The following RBFOX1 variants were observed in gnomAD, a reference collection of about 807,000 sequenced individuals.
RBFOX1 encodes the protein RNA binding fox-1 homolog 1, also known as RNA binding protein fox-1 homolog 1.
RBFOX1 carries 8 observed loss-of-function variants against 57.7 expected under a neutral mutation model. That is an observed-to-expected ratio of 0.14 (90% CI 0.08 to 0.25). The LOEUF is 0.25. Among genes scored for constraint, RBFOX1 ranks in the 10% least tolerant of loss-of-function variants. The pLI is 1.00. For synonymous variants in RBFOX1, 326 were observed against 222.4 expected, an observed-to-expected ratio of 1.47 and a Z score of -4.15; for missense variants, 611 against 548.5, an observed-to-expected ratio of 1.11 and a Z score of -1.14.
chr16:5,870,985 G>C (rs1247863473), intron 4 of RBFOX1, among the ~76,000 whole-genome samples: 1 of 152,166 alleles, frequency 6.6e-6, no homozygotes, highest in East Asian at 1.9e-4. Context: ...GAATCAGTGA[G>C]AATGAGTGGC....
intron 3 of RBFOX1, among the ~76,000 whole-genome samples, chr16:6,674,135 C>A (rs2098785616): frequency 6.6e-6 from 1 of 152,118 alleles, no homozygotes; most frequent in South Asian, 2.1e-4. Context: ...GGTATTAAGT[C>A]CTTGTTGTGG....
intron 2 of RBFOX1, among the ~76,000 whole-genome samples, chr16:6,514,447 G>A (rs1375226794): frequency 6.6e-6 from 1 of 152,134 alleles, no homozygotes; most frequent in East Asian, 1.9e-4. Flanking sequence ...TTAGTCCCCT[G>A]CTGAGATCAC....
At chr16:5,297,227 A>G (rs1317751915) in intron 1 of RBFOX1, among the ~76,000 whole-genome samples, 1 of 152,174 alleles carries the variant, frequency 6.6e-6, no homozygotes, top group Non-Finnish European at 1.5e-5. Flanking sequence ...TGGGAGTGCA[A>G]ATATCTCTTC....
At chr16:7,013,678 G>C (rs757877749) in intron 3 of RBFOX1, among the ~76,000 whole-genome samples, 1 of 152,198 alleles carries the variant, frequency 6.6e-6, no homozygotes, top group African/African-American at 2.4e-5. Context: ...TTTTTTAAGA[G>C]AGACTGTTTT....
At chr16:6,695,358 A>G (rs78996755) in intron 3 of RBFOX1, among the ~76,000 whole-genome samples, 16,853 of 140,776 alleles carry the variant, frequency 0.12, 1,910 homozygotes, top group East Asian at 0.46. Flanking sequence ...AGAGGTTGCA[A>G]TTACCTGAGA....
intron 3 of RBFOX1, among the ~76,000 whole-genome samples, chr16:6,959,771 T>A (rs1254149655): frequency 6.6e-6 from 1 of 152,130 alleles, no homozygotes; most frequent in Non-Finnish European, 1.5e-5. Context: ...ACCCCGTTTC[T>A]ACCAAAAGTA....
intron 1 of RBFOX1, among the ~76,000 whole-genome samples, chr16:6,296,776 A>C (rs1040658440): frequency 1.3e-5 from 2 of 152,190 alleles, no homozygotes; most frequent in Non-Finnish European, 2.9e-5. Flanking sequence ...TCAGATCCAC[A>C]TGAGTTTACT....
At chr16:6,031,149 C>CCA (rs1400796653) in intron 1 of RBFOX1, among the ~76,000 whole-genome samples, 2 of 152,142 alleles carry the variant, frequency 1.3e-5, no homozygotes, top group Non-Finnish European at 2.9e-5. Context: ...AGGTATTGGG[C>CCA]CACATTTAAG....
intron 1 of RBFOX1, among the ~76,000 whole-genome samples, chr16:5,449,175 G>A (rs2068344729): frequency 1.3e-5 from 2 of 152,114 alleles, no homozygotes; most frequent in South Asian, 2.1e-4. Flanking sequence ...CCTGCCCAAA[G>A]CCCCACTCCC....
At chr16:5,667,999 A>G (rs7197912) in intron 3 of RBFOX1, among the ~76,000 whole-genome samples, 15,031 of 152,152 alleles carry the variant, frequency 0.099, 963 homozygotes, top group East Asian at 0.23. Context: ...TTCTAGAAAT[A>G]CACCATTTTG....
intron 4 of RBFOX1, among the ~76,000 whole-genome samples, chr16:7,174,549 G>A (rs893097555): frequency 1.3e-5 from 2 of 152,188 alleles, no homozygotes; most frequent in African/African-American, 4.8e-5. Context: ...GGGAGGCAGA[G>A]GCAGGCCAAT....
chr16:7,264,787 C>T (rs1603459449), intron 4 of RBFOX1, among the ~76,000 whole-genome samples: 1 of 152,148 alleles, frequency 6.6e-6, no homozygotes, highest in African/African-American at 2.4e-5. Flanking sequence ...GGCCCTTAGG[C>T]TGTCATTTGC....
At chr16:5,754,148 A>G (rs1027789306) in intron 3 of RBFOX1, among the ~76,000 whole-genome samples, 2 of 152,214 alleles carry the variant, frequency 1.3e-5, no homozygotes, top group Non-Finnish European at 2.9e-5. Flanking sequence ...TGGAGTTGGC[A>G]TAATACATTT....
At chr16:6,484,928 C>T (rs2095442364) in intron 2 of RBFOX1, among the ~76,000 whole-genome samples, 1 of 152,292 alleles carries the variant, frequency 6.6e-6, no homozygotes, top group East Asian at 1.9e-4. Flanking sequence ...GTGTAATCCT[C>T]TCTTTAGTAG....
chr16:7,522,439 G>A (rs1047727621), intron 5 of RBFOX1, among the ~76,000 whole-genome samples: 2 of 152,216 alleles, frequency 1.3e-5, no homozygotes, highest in African/African-American at 4.8e-5. Context: ...CATTATTGAA[G>A]TGACAGTTTG....
chr16:6,913,470 C>G (rs1037669105), intron 3 of RBFOX1, among the ~76,000 whole-genome samples: 1 of 152,248 alleles, frequency 6.6e-6, no homozygotes, highest in Non-Finnish European at 1.5e-5. Context: ...ATGTTGCCAT[C>G]GGCCTTCTTC....
intron 10 of RBFOX1, among the ~76,000 whole-genome samples, chr16:7,621,780 C>T (rs912967383): frequency 6.6e-6 from 1 of 152,096 alleles, no homozygotes; most frequent in African/African-American, 2.4e-5. Context: ...TTTTTGCAAG[C>T]AGTAAAGGGA....
chr16:6,698,262 C>G (rs1266751706), intron 3 of RBFOX1, among the ~76,000 whole-genome samples: 1 of 152,134 alleles, frequency 6.6e-6, no homozygotes, highest in East Asian at 1.9e-4. Flanking sequence ...AAGATGTCCA[C>G]AGAAGATATG....
At chr16:5,885,354 A>G (rs138170792) in intron 4 of RBFOX1, among the ~76,000 whole-genome samples, 2 of 151,506 alleles carry the variant, frequency 1.3e-5, no homozygotes, top group Non-Finnish European at 2.9e-5. Context: ...ATACGACTGC[A>G]TTTTTCCCCT....
Sources: allele counts gnomAD v4.1 joint callset (sites outside exome capture counted in the v4.1 genomes callset), GRCh38; gene constraint gnomAD v4.1.1; transcripts MANE v1.5; gene names NCBI Gene and HGNC (gene_info 2026-07-23, HGNC 2026-07-21).